The following SLC24A2 variants were observed in gnomAD, a reference collection of about 807,000 sequenced individuals.
The protein encoded by SLC24A2 is sodium/potassium/calcium exchanger 2.
Under a neutral mutation model 62.0 loss-of-function variants are expected in SLC24A2, and 36 were observed. The observed-to-expected ratio is 0.58, with a 90% CI of 0.44 to 0.77. The LOEUF (loss-of-function observed/expected upper bound fraction) is 0.77. Among genes scored for constraint, SLC24A2 ranks in the 30% least tolerant of loss-of-function variants. SLC24A2 has a pLI of 0.00. For synonymous variants in SLC24A2, 358 were observed against 294.0 expected, an observed-to-expected ratio of 1.22 and a Z score of -2.23; for missense variants, 846 against 817.9, an observed-to-expected ratio of 1.03 and a Z score of -0.42.
At chr9:19,769,707 T>C (rs1401924922) in intron 2 of SLC24A2, among the ~76,000 whole-genome samples, 1 of 152,194 alleles carries the variant, frequency 6.6e-6, no homozygotes, top group Non-Finnish European at 1.5e-5. Flanking sequence ...CAGAGATGCA[T>C]GGCTGAGTGG....
the SLC24A2 span, among the ~76,000 whole-genome samples, chr9:19,983,274 T>C: frequency 0.011 from 1,604 of 152,282 alleles, 10 homozygotes; most frequent in Admixed American, 0.02. Flanking sequence ...AGGATTCATA[T>C]ACAGACACAC....
At chr9:19,886,939 A>G in the SLC24A2 span, among the ~76,000 whole-genome samples, 1 of 152,188 alleles carries the variant, frequency 6.6e-6, no homozygotes, top group Admixed American at 6.5e-5. Flanking sequence ...ATACTCAGCA[A>G]ACTAACGCAG....
chr9:19,663,243 T>A (rs1819153352), intron 2 of SLC24A2, among the ~76,000 whole-genome samples: 1 of 152,158 alleles, frequency 6.6e-6, no homozygotes, highest in Non-Finnish European at 1.5e-5. Flanking sequence ...GCTGCACAGC[T>A]AGTGAGTGCC....
chr9:19,774,686 A>C (rs1311731499), intron 2 of SLC24A2, among the ~76,000 whole-genome samples: 1 of 152,216 alleles, frequency 6.6e-6, no homozygotes, highest in African/African-American at 2.4e-5. Context: ...CTCAGTGTCC[A>C]TCAAGCAGTA....
At chr9:19,839,687 C>T in the SLC24A2 span, among the ~76,000 whole-genome samples, 2 of 152,090 alleles carry the variant, frequency 1.3e-5, no homozygotes, top group African/African-American at 4.8e-5. Flanking sequence ...AAAGTGTTCC[C>T]TTCAGGCTCC....
chr9:20,237,548 G>T, the SLC24A2 span, among the ~76,000 whole-genome samples: 3 of 152,192 alleles, frequency 2.0e-5, no homozygotes. Flanking sequence ...ACACAGACTA[G>T]AGAAGGTTAG....
chr9:19,636,386 T>TCTTTCTTTCTTTCTTTCTCC (rs1554690439), intron 2 of SLC24A2, among the ~76,000 whole-genome samples: 1 of 23,396 alleles, frequency 4.3e-5, no homozygotes, highest in African/African-American at 1.6e-4. Flanking sequence ...TTTCTTTCTT[T>TCTTTCTTTCTTTCTTTCTCC]CTCCCTCTCT....
At chr9:20,015,306 C>G in the SLC24A2 span, among the ~76,000 whole-genome samples, 1 of 152,218 alleles carries the variant, frequency 6.6e-6, no homozygotes, top group Non-Finnish European at 1.5e-5. Context: ...ACTTCTGAAT[C>G]TCCAGCTTCA....
Position 19,510,149 on chromosome 9 carries a change from T to G in SLC24A2, c.*6004A>C, listed in dbSNP as rs973961324. 5 of 152,164 alleles carry G rather than the reference T, an allele frequency of 3.3e-5. No individual in the cohort carries two copies. The highest frequency in any genetic ancestry group is 2.6e-4 in the Admixed American group (4 of 15,276). 9.4% of individuals were successfully genotyped at this position (152,164 alleles called of 1,614,324 possible). Reference sequence around the variant, plus strand: ...ATGACCTAATGACCTTAAAAGCAGTTTGTGACCTTGACTTCACCAGAGCTT... The same window carrying G: ...ATGACCTAATGACCTTAAAAGCAGTGTGTGACCTTGACTTCACCAGAGCTT... On this transcript the variant is annotated 3_prime_UTR_variant, in exon 11 of 11. Transcript: ENST00000341998.
the SLC24A2 span, among the ~76,000 whole-genome samples, chr9:20,303,129 T>C: frequency 6.6e-6 from 1 of 152,188 alleles, no homozygotes; most frequent in African/African-American, 2.4e-5. Flanking sequence ...TGTATTTTTT[T>C]TCTTTAAAAA....
intron 2 of SLC24A2, among the ~76,000 whole-genome samples, chr9:19,753,110 C>T (rs889708341): frequency 2.0e-5 from 3 of 152,292 alleles, no homozygotes; most frequent in East Asian, 1.9e-4. Flanking sequence ...TCTTTGCATA[C>T]TCTAGCTGGA....
At chr9:20,291,817 C>T in the SLC24A2 span, among the ~76,000 whole-genome samples, 1 of 152,086 alleles carries the variant, frequency 6.6e-6, no homozygotes, top group African/African-American at 2.4e-5. Flanking sequence ...CCATTTTTGA[C>T]ATGATTCATG....
At chr9:20,223,090 T>A in the SLC24A2 span, among the ~76,000 whole-genome samples, 2 of 152,050 alleles carry the variant, frequency 1.3e-5, no homozygotes, top group East Asian at 3.9e-4. Flanking sequence ...TCCTACTGAT[T>A]GTGGATTAGC....
At chr9:20,051,658 T>TC in the SLC24A2 span, among the ~76,000 whole-genome samples, 12 of 49,534 alleles carry the variant, frequency 2.4e-4, no homozygotes, top group Admixed American at 7.0e-4. Flanking sequence ...TTTCTTTCTC[T>TC]TTTTTTTTTT....
the SLC24A2 span, among the ~76,000 whole-genome samples, chr9:20,104,176 C>T: frequency 6.6e-6 from 1 of 152,124 alleles, no homozygotes; most frequent in Non-Finnish European, 1.5e-5. Flanking sequence ...ATGAACAAAG[C>T]CTCCAAGAAA....
the SLC24A2 span, among the ~76,000 whole-genome samples, chr9:20,268,795 T>A: frequency 1.3e-5 from 2 of 152,222 alleles, no homozygotes; most frequent in Non-Finnish European, 2.9e-5. Context: ...TCAGTTCACA[T>A]ATCTTCCCAT....
the SLC24A2 span, among the ~76,000 whole-genome samples, chr9:20,010,248 G>C: frequency 6.6e-6 from 1 of 152,064 alleles, no homozygotes; most frequent in Admixed American, 6.6e-5. Context: ...AAATAATAAA[G>C]GTGTTTCACC....
chr9:20,271,152 C>A, the SLC24A2 span, among the ~76,000 whole-genome samples: 2 of 152,208 alleles, frequency 1.3e-5, no homozygotes, highest in Admixed American at 6.5e-5. Flanking sequence ...TTTCTCCACT[C>A]ACCCACCTCA....
chr9:20,269,306 C>T, the SLC24A2 span, among the ~76,000 whole-genome samples: 11 of 152,174 alleles, frequency 7.2e-5, no homozygotes, highest in Admixed American at 3.9e-4. Context: ...GAAAAGGAGA[C>T]GCATCCATGA....
Sources: gnomAD v4.1 joint callset for allele counts (sites outside exome capture counted in the v4.1 genomes callset) on GRCh38, gnomAD v4.1.1 for gene constraint, MANE v1.5 for transcripts, NCBI Gene and HGNC (gene_info 2026-07-23, HGNC 2026-07-21) for gene names.